The following AMIGO3 variants were observed in gnomAD, a reference collection of about 807,000 sequenced individuals.
The protein encoded by AMIGO3 is amphoterin-induced protein 3.
In AMIGO3, 6 loss-of-function variants were observed where a neutral mutation model predicts 4.3. The observed-to-expected ratio is 1.39, with a 90% CI of 0.76 to 2.75. The LOEUF (loss-of-function observed/expected upper bound fraction) is 2.75, where lower values mean the gene tolerates loss of function less well. Ranked by LOEUF, AMIGO3 falls within the 30% of genes most tolerant of loss-of-function variation. The pLI, the probability that AMIGO3 is intolerant of heterozygous loss-of-function variation, is 0.00. For synonymous variants in AMIGO3, 315 were observed against 320.0 expected (o/e 0.98, Z 0.17); for missense variants, 771 against 692.1 (o/e 1.11, Z -1.28).
Position 49,719,157 on chromosome 3 carries a change from G to A in AMIGO3, c.309C>T (p.Gly103=). The A allele has an allele frequency of 6.2e-7, 1 of 1,613,532 alleles. No individual in the cohort carries two copies. ...TCAGGCCGCTGGCGTTGACGAAGAC[G>A]CCGCGACCCAGCGCATCTAGTTCGT... ...DHNELDALGR[G]VFVNASGLRL... is the part of the protein sequence containing the mutation. Residue 103 remains glycine (G), a synonymous_variant, in exon 1 of 1, where the codon GGC becomes GGT. Transcript: ENST00000320431.
rs1030585913 is a variant in AMIGO3, at chr3:49,718,524, C to T, written c.942G>A (p.Pro314=). ...CTGGCGCCCTGAGAAGCTCCTGCTG[C>T]GGCGAAACCCAGGCAATGCGCATGG... ...VPAMRIAWVS[P]QQELLRAPGS... The change falls in exon 1 of 1, where the codon CCG becomes CCA. Residue 314 remains proline, a synonymous_variant. Transcript: ENST00000320431. 1.9e-6 allele frequency: 3 copies of T among 1,613,156 alleles called. No homozygotes were observed. The highest frequency in any genetic ancestry group is 2.5e-6 in the Non-Finnish European group (3 of 1,179,944).
Position 49,717,923 on chromosome 3 carries a change from G to A in AMIGO3, c.*28C>T, listed in dbSNP as rs765755012. 2.5e-6 allele frequency: 4 copies of A among 1,592,476 alleles called. No homozygotes were observed. The highest frequency in any genetic ancestry group is 3.4e-6 in the Non-Finnish European group (4 of 1,169,822). ...AGCAGGGCGAGCAGCAAGAGGGTGG[G>A]GGCCTGGGTGGGGGAGCCCTGGGCA... On this transcript the variant is annotated 3_prime_UTR_variant, in exon 1 of 1. Coordinates refer to ENST00000320431, the MANE Select transcript of AMIGO3 (RefSeq NM_198722.3).
Position 49,718,407 on chromosome 3 carries a change from C to G in AMIGO3, c.1059G>C (p.Leu353=), listed in dbSNP as rs768918710. The part of the protein sequence containing the change: ...QEQHAGLFVC[L]ATGPRLHHNQ... ...TGTGGTGCAGGCGGGGCCCAGTGGC[C>G]AGGCACACGAAGAGTCCCGCATGCT... is the stretch of plus-strand genomic sequence containing the variant. The change falls in exon 1 of 1, where the codon CTG becomes CTC. Residue 353 remains leucine (L), a synonymous_variant. Coordinates refer to ENST00000320431, the MANE Select transcript of AMIGO3 (RefSeq NM_198722.3). 3 of 1,613,076 alleles carry G rather than the reference C, an allele frequency of 1.9e-6. No homozygotes were observed. In the South Asian group the frequency reaches 3.3e-5, roughly 18 times the overall value.
chr3:49,717,559 G>A lies in AMIGO3; in HGVS notation c.*392C>T. The A allele has an allele frequency of 4.0e-6, 1 of 249,462 alleles. No homozygotes were observed. The highest frequency in any genetic ancestry group is 7.8e-6 in the Non-Finnish European group (1 of 127,456). The allele number at this position is 249,462 out of a possible 1,614,324, so 15.5% of individuals were successfully genotyped here. A position where few individuals can be genotyped will look rare whatever the true frequency, so the allele number is the denominator to read the frequency against. On this transcript the variant is annotated 3_prime_UTR_variant, in exon 1 of 1. Transcript: ENST00000320431. Reference sequence around the variant, plus strand: ...CTGTCTCAGCCCCTGAGGGTGGACGGGAGGCTCTGCTACAGGGGTTCTTCC... The same window carrying A: ...CTGTCTCAGCCCCTGAGGGTGGACGAGAGGCTCTGCTACAGGGGTTCTTCC...
rs755173345 is a variant in AMIGO3, at chr3:49,719,056, T to G, written c.410A>C (p.Lys137Thr). 2 of 1,613,838 alleles carry G rather than the reference T, an allele frequency of 1.2e-6. No individual in the cohort carries two copies. The highest frequency in any genetic ancestry group is 1.1e-5 in the South Asian group (1 of 91,086). ...HDLDGLGALE[K>T]LLLFNNRLVH... ...CAAGCGGTTATTGAACAGAAGCAGC[T>G]TCTCCAGCGCCCCCAGCCCGTCGAG... Residue 137 changes from lysine (K) to threonine (T), a missense_variant, in exon 1 of 1, where the codon AAG becomes ACG. Transcript: ENST00000320431.
In AMIGO3 at chr3:49,718,075, A is replaced by C. The variant is rs774036169; in HGVS notation, c.1391T>G (p.Leu464Arg). ...TACTGCCAGCTGCACGCGGCCATTG[A>C]GGCCCCTCCGGCCTGGCTCCAGAAA... ...VVFLEPGRRG[L>R]NGRVQLAVAE... Residue 464 changes from leucine to arginine, a missense_variant, in exon 1 of 1, where the codon CTC becomes CGC. By Grantham distance (102) the Leu-to-Arg change is moderately radical. Coordinates refer to ENST00000320431, the MANE Select transcript of AMIGO3 (RefSeq NM_198722.3). 3 of 1,613,600 alleles carry C rather than the reference A, an allele frequency of 1.9e-6. No individual in the cohort carries two copies. The highest frequency in any genetic ancestry group is 2.5e-6 in the Non-Finnish European group (3 of 1,180,026).
In AMIGO3 at chr3:49,716,978, A is replaced by C. The variant is rs1333617274; in HGVS notation, c.*973T>G. On this transcript the variant is annotated 3_prime_UTR_variant, in exon 1 of 1. Transcript: ENST00000320431. ...TTCCCTGCCCCCCTGCAGTGGGAGCAGTGAGATGCATATGAAGCCAGGGTA... is the reference window on the plus strand; with the variant it reads ...TTCCCTGCCCCCCTGCAGTGGGAGCCGTGAGATGCATATGAAGCCAGGGTA... The C allele has an allele frequency of 6.3e-6, 1 of 158,278 alleles. No homozygotes were observed. Among genetic ancestry groups the C allele is most frequent in the Non-Finnish European group, 1.4e-5 (1 of 71,308 alleles). The allele number at this position is 158,278 out of a possible 1,614,324, so 9.8% of individuals were successfully genotyped here.
chr3:49,719,244 C>G lies in AMIGO3; in HGVS notation c.222G>C (p.Gln74His). The change falls in exon 1 of 1, where the codon CAG becomes CAC. Residue 74 changes from glutamine (Q) to histidine (H), a missense_variant. Transcript: ENST00000320431. ...GCGCCAACCAGCCGGGGCGCAGGCG[C>G]TGGAGCGCGTTGTGGCTCAGGTCGA... ...ADLDLSHNAL[Q>H]RLRPGWLAPL... 6.2e-7 allele frequency: 1 copy of G among 1,613,192 alleles called. No homozygotes were observed. Among genetic ancestry groups the G allele is most frequent in the East Asian group, 2.2e-5 (1 of 44,878 alleles).
At position 49,719,642 on chromosome 3, in the gene AMIGO3, C is replaced by G; in HGVS notation, c.-177G>C. On this transcript the variant is annotated 5_prime_UTR_variant, in exon 1 of 1. Transcript: ENST00000320431. The stretch of plus-strand genomic sequence containing the variant: ...CCGGTTCCCAGGTTGTGAGGCGGTG[C>G]GGCACTCTTAGCCGCGCTCCCTTCG... 2 of 600,716 alleles carry G rather than the reference C, an allele frequency of 3.3e-6. No homozygotes were observed. Among genetic ancestry groups the G allele is most frequent in the Admixed American group, 6.7e-5 (2 of 29,822 alleles). 37.2% of individuals were successfully genotyped at this position (600,716 alleles called of 1,614,324 possible). A position where few individuals can be genotyped will look rare whatever the true frequency, so the allele number is the denominator to read the frequency against.
At position 49,719,404 on chromosome 3, in the gene AMIGO3, G is replaced by A. The variant is rs2080336103; in HGVS notation, c.62C>T (p.Pro21Leu). The change falls in exon 1 of 1, where the codon CCG becomes CTG. Residue 21 changes from proline to leucine, a missense_variant. Transcript: ENST00000320431. Reference sequence around the variant, plus strand: ...ACGGGGCGGGAAACCCTCGGAGTCCGGGGTGCCTAACCCAACGCGCAGCAT... The same window carrying A: ...ACGGGGCGGGAAACCCTCGGAGTCCAGGGTGCCTAACCCAACGCGCAGCAT... ...LCMLRVGLGT[P>L]DSEGFPPRAL... 2.5e-6 allele frequency: 4 copies of A among 1,613,636 alleles called. No homozygotes were observed. The highest frequency in any genetic ancestry group is 3.4e-6 in the Non-Finnish European group (4 of 1,180,038).
In AMIGO3 at chr3:49,718,629, A is replaced by C. The variant is rs1219692493; in HGVS notation, c.837T>G (p.Leu279=). ...GGTGCTCTTCCGGCCGCTCTAGGCC[A>C]AGAGCTGGGGCCGACGAGCAGTTCT... ...VFENCSSAPA[L]GLERPEEHLY... is the part of the protein sequence containing the mutation. Residue 279 remains leucine, a synonymous_variant, in exon 1 of 1, where the codon CTT becomes CTG. Coordinates refer to ENST00000320431, the MANE Select transcript of AMIGO3 (RefSeq NM_198722.3). The C allele has an allele frequency of 1.2e-6, 2 of 1,613,024 alleles. No homozygotes were observed. Among genetic ancestry groups the C allele is most frequent in the Admixed American group, 1.7e-5 (1 of 60,022 alleles).
chr3:49,718,574 G>A lies in AMIGO3; in HGVS notation c.892C>T (p.Leu298Phe). ...LYALVGRSLR[L>F]YCNTSVPAMR... ...GCCGGGACGCTGGTGTTGCAGTAAA[G>A]CCTCAGGGACCGACCCACCAGCGCG... Residue 298 changes from leucine to phenylalanine, a missense_variant, in exon 1 of 1, where the codon CTT becomes TTT. By Grantham distance (22) the Leu-to-Phe change is conservative (BLOSUM62 0). Coordinates refer to ENST00000320431, the MANE Select transcript of AMIGO3 (RefSeq NM_198722.3). 6.2e-7 allele frequency: 1 copy of A among 1,613,114 alleles called. No homozygotes were observed. The highest frequency in any genetic ancestry group is 8.5e-7 in the Non-Finnish European group (1 of 1,179,962).
chr3:49,719,356 T>G lies in AMIGO3; in HGVS notation c.110A>C (p.Lys37Thr). Residue 37 changes from lysine (K) to threonine (T), a missense_variant, in exon 1 of 1, where the codon AAA (lysine) becomes ACA (threonine). By Grantham distance (78) the Lys-to-Thr change is moderately conservative. Coordinates refer to ENST00000320431, the MANE Select transcript of AMIGO3 (RefSeq NM_198722.3). ...TAGCAGGTCGGCAGCGCAGATACAT[T>G]TGTAGGGGCAGTTGTGGAGCGCACG... ...PPRALHNCPY[K>T]CICAADLLSC... The G allele has an allele frequency of 6.2e-7, 1 of 1,613,490 alleles. No individual in the cohort carries two copies. The highest frequency in any genetic ancestry group is 1.3e-5 in the African/African-American group (1 of 75,038).
chr3:49,717,995 C>T lies in AMIGO3; in HGVS notation c.1471G>A (p.Glu491Lys), dbSNP rs2080282424. Residue 491 changes from glutamate to lysine, a missense_variant, in exon 1 of 1, where the codon GAG becomes AAG. Coordinates refer to ENST00000320431, the MANE Select transcript of AMIGO3 (RefSeq NM_198722.3). ...PGGLQLKAGS[E>K]SASSIGSEGP... is the part of the protein sequence containing the mutation. ...TCGGAGCCTATGGAGCTGGCGGACT[C>T]AGAGCCAGCCTTCAGCTGCAGGCCT... 1.9e-6 allele frequency: 3 copies of T among 1,613,644 alleles called. No homozygotes were observed. The highest frequency in any genetic ancestry group is 1.1e-5 in the South Asian group (1 of 91,088).
At position 49,717,932 on chromosome 3, in the gene AMIGO3, T is replaced by A. The variant is rs756542311; in HGVS notation, c.*19A>T. 1.3e-6 allele frequency: 2 copies of A among 1,587,838 alleles called. No homozygotes were observed. The highest frequency in any genetic ancestry group is 1.4e-5 in the African/African-American group (1 of 73,628). On this transcript the variant is annotated 3_prime_UTR_variant, in exon 1 of 1. Transcript: ENST00000320431. ...AGCAGCAAGAGGGTGGGGGCCTGGG[T>A]GGGGGAGCCCTGGGCAGTCTAGGTT...
chr3:49,718,971 G>C lies in AMIGO3; in HGVS notation c.495C>G (p.Gly165=). The change falls in exon 1 of 1, where the codon GGC becomes GGG. Residue 165 remains glycine (G), a synonymous_variant. Coordinates refer to ENST00000320431, the MANE Select transcript of AMIGO3 (RefSeq NM_198722.3). ...AGGAGAACGAGGCGAGTTCGTTGCA[G>C]CCCAGGTAGAGATGGCTGAGCGCGC... ...GLRALSHLYL[G]CNELASFSFD... 6.2e-7 allele frequency: 1 copy of C among 1,613,822 alleles called. No individual in the cohort carries two copies.
chr3:49,717,881 T>G lies in AMIGO3; in HGVS notation c.*70A>C. Reference sequence around the variant, plus strand: ...GCTTCCCACCAGTATCTGCCAGTTCTCTGGACCGAAGCAGGGAGCAGGGCG... The same window carrying G: ...GCTTCCCACCAGTATCTGCCAGTTCGCTGGACCGAAGCAGGGAGCAGGGCG... On this transcript the variant is annotated 3_prime_UTR_variant, in exon 1 of 1. Transcript: ENST00000320431. 3 of 1,516,218 alleles carry G rather than the reference T, an allele frequency of 2.0e-6. No homozygotes were observed. The highest frequency in any genetic ancestry group is 2.7e-6 in the Non-Finnish European group (3 of 1,126,222). 93.9% of individuals were successfully genotyped at this position (1,516,218 alleles called of 1,614,324 possible).
rs763477260 is a variant in AMIGO3 at position 49,719,037 on chromosome 3, G to C, written c.429C>G (p.Asn143Lys). The C allele has an allele frequency of 1.9e-6, 3 of 1,613,898 alleles. No individual in the cohort carries two copies. Among genetic ancestry groups the C allele is most frequent in the East Asian group, 2.2e-5 (1 of 44,878 alleles). Residue 143 changes from asparagine to lysine, a missense_variant, in exon 1 of 1, where the codon AAC becomes AAG. Transcript: ENST00000320431. Reference sequence around the variant, plus strand: ...CATGCTCGTCCAAGTGCACCAAGCGGTTATTGAACAGAAGCAGCTTCTCCA... The same window carrying C: ...CATGCTCGTCCAAGTGCACCAAGCGCTTATTGAACAGAAGCAGCTTCTCCA... ...GALEKLLLFNNRLVHLDEHAF... is the reference protein window; with the variant it reads ...GALEKLLLFNKRLVHLDEHAF...
In AMIGO3 at chr3:49,718,161, T is replaced by C. The variant is rs1488673096; in HGVS notation, c.1305A>G (p.Val435=). Residue 435 remains valine (V), a synonymous_variant, in exon 1 of 1, where the codon GTA becomes GTG. Coordinates refer to ENST00000320431, the MANE Select transcript of AMIGO3 (RefSeq NM_198722.3). ...PLQELSAQSS[V]LSTTPPDAPS... ...GTGCGTCTGGCGGTGTGGTGCTGAG[T>C]ACTGAGGACTGTGCGCTCAGCTCTT... 6.2e-7 allele frequency: 1 copy of C among 1,613,092 alleles called. No individual in the cohort carries two copies. Among genetic ancestry groups the C allele is most frequent in the Admixed American group, 1.7e-5 (1 of 60,024 alleles).
Sources: gnomAD v4.1 joint callset for allele counts on GRCh38, gnomAD v4.1.1 for gene constraint, MANE v1.5 for transcripts, NCBI Gene and HGNC (gene_info 2026-07-23, HGNC 2026-07-21) for gene names.